Variants in TENM2 observed in about 807,000 individuals in gnomAD.
The protein encoded by TENM2 is teneurin-2.
In TENM2, 52 loss-of-function variants were observed where a neutral mutation model predicts 245.2. That is an observed-to-expected ratio of 0.21 (90% CI 0.17 to 0.27). TENM2 has a LOEUF of 0.27. TENM2 is among the 10% of genes least tolerant of loss of function. The pLI, the probability that TENM2 is intolerant of heterozygous loss-of-function variation, is 1.00. For synonymous variants in TENM2, 1,363 were observed against 1,438.9 expected, an observed-to-expected ratio of 0.95 and a Z score of 1.19; for missense variants, 3,046 against 3,666.8, an observed-to-expected ratio of 0.83 and a Z score of 4.37.
chr5:167,958,087 A>C (rs957109049), intron 4 of TENM2, among the ~76,000 whole-genome samples: 1 of 152,158 alleles, frequency 6.6e-6, no homozygotes, highest in Non-Finnish European at 1.5e-5. Flanking sequence ...AAAGTCACCC[A>C]TTATTATTGC....
At chr5:167,542,241 TAA>T (rs1772259882) in intron 2 of TENM2, among the ~76,000 whole-genome samples, 1 of 152,148 alleles carries the variant, frequency 6.6e-6, no homozygotes, top group Non-Finnish European at 1.5e-5. Flanking sequence ...AAAAATGCCA[TAA>T]GTCAGTCACT....
intron 1 of TENM2, chr5:167,307,868 G>A (rs955738081): frequency 6.6e-6 from 1 of 152,278 alleles, no homozygotes; most frequent in Non-Finnish European, 1.5e-5. Flanking sequence ...TCTCTTTGCT[G>A]TTGCTATCTT....
At chr5:167,157,800 G>A in the TENM2 span, among the ~76,000 whole-genome samples, 1 of 152,174 alleles carries the variant, frequency 6.6e-6, no homozygotes, top group African/African-American at 2.4e-5. Flanking sequence ...ATACTTTTTT[G>A]TTACTCATTT....
At chr5:167,736,502 G>A (rs886288928) in intron 2 of TENM2, among the ~76,000 whole-genome samples, 3 of 152,008 alleles carry the variant, frequency 2.0e-5, no homozygotes, top group African/African-American at 7.3e-5. Context: ...TATCCATTTT[G>A]GCAAACCAGT....
intron 26 of TENM2, among the ~76,000 whole-genome samples, chr5:168,245,404 AGCCGTCAG>A (rs1436599710): frequency 6.6e-6 from 1 of 152,140 alleles, no homozygotes; most frequent in African/African-American, 2.4e-5. Flanking sequence ...CCCTAAATTA[AGCCGTCAG>A]GATGGGGAAT....
At chr5:168,050,881 T>C (rs1008027360) in intron 6 of TENM2, among the ~76,000 whole-genome samples, 2 of 152,208 alleles carry the variant, frequency 1.3e-5, no homozygotes, top group African/African-American at 4.8e-5. Flanking sequence ...TTAACATGAA[T>C]TGTTGCTGGC....
intron 2 of TENM2, among the ~76,000 whole-genome samples, chr5:167,565,640 TA>T (rs1183620088): frequency 4.6e-5 from 7 of 152,216 alleles, no homozygotes; most frequent in Middle Eastern, 3.2e-3. Flanking sequence ...GTTTTTTGTT[TA>T]TCTTATTATC....
the TENM2 span, among the ~76,000 whole-genome samples, chr5:167,255,619 G>A: frequency 3.9e-5 from 6 of 152,096 alleles, no homozygotes; most frequent in East Asian, 1.9e-4. Context: ...CGTAGATTTC[G>A]ATTTTTTGTG....
At chr5:166,981,813 G>A in the TENM2 span, among the ~76,000 whole-genome samples, 1 of 151,864 alleles carries the variant, frequency 6.6e-6, no homozygotes, top group Admixed American at 6.6e-5. Flanking sequence ...TAGTTTCCTG[G>A]CAACTTCTGA....
At chr5:167,904,203 A>G (rs1775917301) in intron 3 of TENM2, among the ~76,000 whole-genome samples, 1 of 152,198 alleles carries the variant, frequency 6.6e-6, no homozygotes, top group African/African-American at 2.4e-5. Flanking sequence ...ACTCTTGGAG[A>G]GTCAATACCA....
At chr5:168,214,069 A>G (rs1386691252) in intron 20 of TENM2, among the ~76,000 whole-genome samples, 3 of 152,224 alleles carry the variant, frequency 2.0e-5, no homozygotes, top group Admixed American at 2.0e-4. Context: ...AGTATGATTG[A>G]TTTAATCCCT....
In TENM2 at chr5:167,452,950, T is replaced by TATTTTTTTTTTTTTTAA. The variant is rs1554157771; in HGVS notation, c.502+77479_502+77480insTTTTTTTTTTTTTAAAT. Among the ~76,000 whole-genome samples the TATTTTTTTTTTTTTTAA allele has an allele frequency of 2.1e-3, 209 of 99,650 alleles. 9 individuals carry two copies. Among genetic ancestry groups the TATTTTTTTTTTTTTTAA allele is most frequent in the African/African-American group, 6.6e-3 (196 of 29,480 alleles). 65.4% of individuals were successfully genotyped at this position (99,650 alleles called of 152,430 possible). ...TATGATTTATATATATATATATATATATATATATATATTTAAAAAAAAAAA... is the reference window on the plus strand; with the variant it reads ...TATGATTTATATATATATATATATATATTTTTTTTTTTTTTAAATATATATATATTTAAAAAAAAAAA... On this transcript the variant is annotated intron_variant, in intron 2 of 28. Transcript: ENST00000518659.
At chr5:167,356,217 A>AAAAATAAAAATT in intron 1 of TENM2, among the ~76,000 whole-genome samples, 3 of 129,172 alleles carry the variant, frequency 2.3e-5, no homozygotes, top group African/African-American at 9.6e-5. Context: ...AAAAAAAAAA[A>AAAAATAAAAATT]AAAATTAAAA....
At chr5:167,254,663 CG>C in the TENM2 span, among the ~76,000 whole-genome samples, 4 of 152,012 alleles carry the variant, frequency 2.6e-5, no homozygotes, top group African/African-American at 9.7e-5. Context: ...GAGATTATTA[CG>C]GAGAGTGATG....
intron 13 of TENM2, among the ~76,000 whole-genome samples, chr5:168,178,411 G>T (rs1164943026): frequency 6.6e-6 from 1 of 152,144 alleles, no homozygotes; most frequent in Non-Finnish European, 1.5e-5. Flanking sequence ...AAGAGCAGAG[G>T]CCCCTGCTCT....
At chr5:167,816,824 G>C (rs1157375311) in intron 2 of TENM2, among the ~76,000 whole-genome samples, 1 of 142,518 alleles carries the variant, frequency 7.0e-6, no homozygotes, top group African/African-American at 2.5e-5. Flanking sequence ...AGAATGACCC[G>C]GGTGAAGTAC....
At chr5:168,048,114 C>A (rs1013128194) in intron 6 of TENM2, among the ~76,000 whole-genome samples, 53 of 151,264 alleles carry the variant, frequency 3.5e-4, no homozygotes, top group African/African-American at 1.3e-3. Flanking sequence ...CTTCTCAGAA[C>A]AGTGAAGGGG....
At chr5:167,757,588 A>T (rs780388210) in intron 2 of TENM2, among the ~76,000 whole-genome samples, 36 of 152,250 alleles carry the variant, frequency 2.4e-4, no homozygotes, top group Non-Finnish European at 4.0e-4. Context: ...ATGATTTATA[A>T]TCCTTTGGGT....
chr5:168,198,969 C>T (rs763448515), exon 16 of TENM2: 9 of 1,613,906 alleles, frequency 5.6e-6, no homozygotes, highest in Non-Finnish European at 5.9e-6. Flanking sequence ...GCCATGGACA[C>T]CCTGGTGATG....
Sources: allele counts gnomAD v4.1 joint callset (sites outside exome capture counted in the v4.1 genomes callset), GRCh38; gene constraint gnomAD v4.1.1; transcripts MANE v1.5; gene names NCBI Gene and HGNC (gene_info 2026-07-23, HGNC 2026-07-21).